Variants in SGSM1 observed in about 807,000 individuals in gnomAD.
SGSM1 encodes RUN and TBC1 domain containing 2.
SGSM1 carries 73 observed loss-of-function variants against 133.8 expected under a neutral mutation model. The observed-to-expected ratio is 0.55, with a 90% confidence interval of 0.45 to 0.66. The LOEUF is 0.66. SGSM1 is among the 30% of genes least tolerant of loss of function. SGSM1 has a pLI of 0.00. For missense variants in SGSM1, 1,213 were observed against 1,448.1 expected (o/e 0.84, Z 2.64); for synonymous variants, 563 against 573.0 (o/e 0.98, Z 0.25).
At chr22:24,907,421 T>C (rs1051059463) in intron 21 of SGSM1, among the ~76,000 whole-genome samples, 3 of 152,284 alleles carry the variant, frequency 2.0e-5, no homozygotes, top group East Asian at 3.9e-4. Flanking sequence ...AGATATCTCA[T>C]ATTCATGGAT....
chr22:24,915,459 A>G (rs1162748174), intron 22 of SGSM1, among the ~76,000 whole-genome samples: 1 of 152,088 alleles, frequency 6.6e-6, no homozygotes, highest in African/African-American at 2.4e-5. Context: ...TTCAACACAC[A>G]CCATCCTCAC....
chr22:24,924,206 A>G lies in SGSM1; in HGVS notation c.3214A>G (p.Thr1072Ala). The change falls in exon 25 of 25, where the codon ACC (threonine) becomes GCC (alanine). Residue 1072 changes from threonine to alanine, a missense_variant. Thr to Ala is a moderately conservative substitution (Grantham distance 58, BLOSUM62 0). Coordinates refer to ENST00000400358, the MANE Select transcript of SGSM1 (RefSeq NM_001098497.3). ...TTCAGAAATGGCTGAGCGACACAAC[A>G]CCAAGCAAGTCCTGAAGCTGGCGCG... ...FFNEMAERHN[T>A]KQVLKLARDL... 6.2e-7 allele frequency: 1 copy of G among 1,613,886 alleles called. No homozygotes were observed. The highest frequency in any genetic ancestry group is 8.5e-7 in the Non-Finnish European group (1 of 1,179,882).
At chr22:24,857,650 C>T (rs1028885769) in intron 8 of SGSM1, among the ~76,000 whole-genome samples, 1 of 152,220 alleles carries the variant, frequency 6.6e-6, no homozygotes, top group African/African-American at 2.4e-5. Context: ...AGAGTTCCAT[C>T]TTCCGTATCA....
chr22:24,906,935 A>C (rs1162986764), intron 21 of SGSM1, among the ~76,000 whole-genome samples: 1 of 144,700 alleles, frequency 6.9e-6, no homozygotes, highest in Non-Finnish European at 1.5e-5. Context: ...TGGGCAACAG[A>C]GTGAGACTCC....
rs775934578 is a variant in SGSM1, at chr22:24,905,077, C to T, written c.2736-28C>T. On this transcript the variant is annotated intron_variant, in intron 20 of 24. Coordinates refer to ENST00000400358, the MANE Select transcript of SGSM1 (RefSeq NM_001098497.3). ...GGTTGGAGAGGCAGGCCACGGCTGC[C>T]ATCATTGGCCCCTTGTGTCTCTTCT... 5.5e-5 allele frequency: 88 copies of T among 1,607,936 alleles called. 1 individual carries two copies. Among genetic ancestry groups the T allele is most frequent in the Non-Finnish European group, 2.6e-6 (3 of 1,174,596 alleles).
intron 2 of SGSM1, among the ~76,000 whole-genome samples, chr22:24,840,999 C>G (rs529119350): frequency 3.9e-5 from 6 of 152,000 alleles, no homozygotes; most frequent in Non-Finnish European, 5.9e-5. Flanking sequence ...TACAGGCGCC[C>G]ACCACCACGC....
intron 22 of SGSM1, among the ~76,000 whole-genome samples, chr22:24,917,071 T>C (rs937058288): frequency 6.6e-6 from 1 of 151,130 alleles, no homozygotes; most frequent in African/African-American, 2.4e-5. Flanking sequence ...TTTTTTTTTT[T>C]TTTTAGAGAC....
intron 3 of SGSM1, among the ~76,000 whole-genome samples, chr22:24,845,989 C>CTTCA: frequency 1.5e-5 from 2 of 134,658 alleles, no homozygotes; most frequent in Non-Finnish European, 3.3e-5. Context: ...TTCTTTCTTT[C>CTTCA]TTTCTTTCTT....
At chr22:24,840,999 C>T (rs529119350) in intron 2 of SGSM1, among the ~76,000 whole-genome samples, 126 of 152,116 alleles carry the variant, frequency 8.3e-4, no homozygotes, top group African/African-American at 2.6e-3. Flanking sequence ...TACAGGCGCC[C>T]ACCACCACGC....
At chr22:24,855,167 A>G in intron 6 of SGSM1, 104 bp downstream of exon 6, 1 of 1,552,212 alleles carries the variant, frequency 6.4e-7, no homozygotes, top group Non-Finnish European at 8.7e-7. Context: ...GCCCATGGAA[A>G]TGCAGCACTG....
chr22:24,894,450 A>G (rs567678555), intron 17 of SGSM1, among the ~76,000 whole-genome samples: 13 of 152,260 alleles, frequency 8.5e-5, no homozygotes, highest in African/African-American at 3.1e-4. Context: ...CCACAATAAC[A>G]GTGTGTAACA....
At chr22:24,882,120 G>A (rs1038324768) in intron 14 of SGSM1, among the ~76,000 whole-genome samples, 8 of 151,946 alleles carry the variant, frequency 5.3e-5, no homozygotes, top group African/African-American at 1.7e-4. Context: ...TTGTCACCCC[G>A]GCTAGACGCA....
intron 8 of SGSM1, chr22:24,855,912 A>G: frequency 1.4e-6 from 1 of 693,802 alleles, no homozygotes; most frequent in South Asian, 1.6e-5. Context: ...CATTGTCACA[A>G]CCATCCATCC....
chr22:24,823,086 G>A (rs1928577123), intron 2 of SGSM1, among the ~76,000 whole-genome samples: 1 of 152,252 alleles, frequency 6.6e-6, no homozygotes, highest in East Asian at 1.9e-4. Flanking sequence ...TCTAAGCCTT[G>A]TGCTCTCGGG....
chr22:24,894,268 C>A (rs1478123737), intron 17 of SGSM1, among the ~76,000 whole-genome samples: 1 of 152,196 alleles, frequency 6.6e-6, no homozygotes, highest in East Asian at 1.9e-4. Context: ...AGCTGAGCGC[C>A]TGTAATCCCA....
chr22:24,876,522 A>C, intron 12 of SGSM1, 55 bp from the exon 13 acceptor site: 1 of 1,605,050 alleles, frequency 6.2e-7, no homozygotes, highest in Non-Finnish European at 8.5e-7. Context: ...GATTTCTGTG[A>C]CCCACATAGG....
chr22:24,920,563 CAT>C (rs1933969150), intron 24 of SGSM1, among the ~76,000 whole-genome samples: 2 of 152,134 alleles, frequency 1.3e-5, no homozygotes, highest in Admixed American at 1.3e-4. Flanking sequence ...CAGGAGACAA[CAT>C]GGTTAAATCC....
intron 12 of SGSM1, among the ~76,000 whole-genome samples, chr22:24,873,949 TCA>T (rs531339796): frequency 1.1e-3 from 171 of 152,282 alleles, no homozygotes; most frequent in South Asian, 2.5e-3. Flanking sequence ...TCTCCATGCC[TCA>T]GTTTTCTAAT....
At chr22:24,843,474 T>C (rs567091225) in intron 2 of SGSM1, 1 of 152,224 alleles carries the variant, frequency 6.6e-6, no homozygotes, top group East Asian at 1.9e-4. Flanking sequence ...CACAGGACAG[T>C]GGGAAACGCT....
Sources: allele counts gnomAD v4.1 joint callset (sites outside exome capture counted in the v4.1 genomes callset), GRCh38; gene constraint gnomAD v4.1.1; transcripts MANE v1.5; gene names NCBI Gene and HGNC (gene_info 2026-07-23, HGNC 2026-07-21).